MCHR2: variants seen among roughly 807,000 people sequenced by gnomAD.
MCHR2 encodes melanin concentrating hormone receptor 2.
MCHR2 carries 15 observed loss-of-function variants against 24.8 expected under a neutral mutation model. The observed-to-expected ratio is 0.60, with a 90% confidence interval of 0.40 to 0.93. MCHR2 has a LOEUF of 0.93. MCHR2 is among the 40% of genes least tolerant of loss of function. MCHR2 has a pLI of 0.00. For synonymous variants in MCHR2, 151 were observed against 147.6 expected (o/e 1.02, Z -0.17); for missense variants, 386 against 408.7 (o/e 0.94, Z 0.48).
rs1160318420 is a variant in MCHR2, at chr6:99,953,286, C to T, written c.182+2680G>A. ...GTTGCCTGTGAAAATGCAAACATTT[C>T]GGAAGGGCTAACACCTAATAAGGAC... On this transcript the variant is annotated intron_variant, in intron 2 of 5. Coordinates refer to ENST00000281806, the MANE Select transcript of MCHR2 (RefSeq NM_001040179.2). 3.9e-5 allele frequency among the ~76,000 whole-genome samples: 6 copies of T among 152,198 alleles called. 1 individual carries two copies. The highest frequency in any genetic ancestry group is 6.8e-3 in the Middle Eastern group (2 of 294).
Position 99,956,156 on chromosome 6 carries a change from G to C in MCHR2, c.-9C>G. On this transcript the variant is annotated 5_prime_UTR_variant, in exon 2 of 6. Coordinates refer to ENST00000281806, the MANE Select transcript of MCHR2 (RefSeq NM_001040179.2). ...GCATGAAATGGATTCATTGTTCGTG[G>C]ACTTTCCAGGGATTAAAGCTGTGAA... The C allele has an allele frequency of 6.2e-7, 1 of 1,604,488 alleles. No individual in the cohort carries two copies. The highest frequency in any genetic ancestry group is 8.5e-7 in the Non-Finnish European group (1 of 1,174,808).
chr6:99,945,938 C>T (rs1280477113), intron 3 of MCHR2, among the ~76,000 whole-genome samples: 1 of 152,182 alleles, frequency 6.6e-6, no homozygotes, highest in African/African-American at 2.4e-5. Flanking sequence ...TATTTAAAAA[C>T]ATACACAGTT....
At chr6:99,977,236 G>C (rs1775568727) in intron 1 of MCHR2, among the ~76,000 whole-genome samples, 1 of 152,206 alleles carries the variant, frequency 6.6e-6, no homozygotes, top group Non-Finnish European at 1.5e-5. Context: ...ATCTTGAACT[G>C]TATTAGCTGG....
At chr6:99,961,191 A>G (rs986776217) in intron 1 of MCHR2, among the ~76,000 whole-genome samples, 7 of 151,500 alleles carry the variant, frequency 4.6e-5, no homozygotes, top group African/African-American at 1.7e-4. Flanking sequence ...TCAAAAGAAG[A>G]AAAAAAAAGC....
chr6:99,957,156 T>C lies in MCHR2; in HGVS notation c.-27-982A>G, dbSNP rs75143342. ...ACATAACATTTGAAGTCTGGTTCCA[T>C]GTCTGGATGAAGTCCAGAGAAAAAT... is the stretch of plus-strand genomic sequence containing the variant. On this transcript the variant is annotated intron_variant, in intron 1 of 5. Transcript: ENST00000281806. Among the ~76,000 whole-genome samples, 794 of 152,244 alleles carry C rather than the reference T, an allele frequency of 5.2e-3. 1 individual carries two copies. The highest frequency in any genetic ancestry group is 8.1e-3 in the Non-Finnish European group (548 of 68,010).
At chr6:99,959,342 A>C (rs1327434701) in intron 1 of MCHR2, among the ~76,000 whole-genome samples, 1 of 151,876 alleles carries the variant, frequency 6.6e-6, no homozygotes, top group South Asian at 2.1e-4. Context: ...AAAATGTTTG[A>C]GATGTCCCCT....
At chr6:99,963,658 T>C (rs1283673942) in intron 1 of MCHR2, among the ~76,000 whole-genome samples, 2 of 152,154 alleles carry the variant, frequency 1.3e-5, no homozygotes, top group Non-Finnish European at 2.9e-5. Flanking sequence ...TCATGTTATA[T>C]GTTTTCTTTT....
chr6:99,961,299 C>T (rs1304196206), intron 1 of MCHR2, among the ~76,000 whole-genome samples: 4 of 151,904 alleles, frequency 2.6e-5, no homozygotes, highest in South Asian at 2.1e-4. Flanking sequence ...GACAGTGTGG[C>T]GATTCCTTAA....
chr6:99,966,675 A>C (rs1292088697), intron 1 of MCHR2, among the ~76,000 whole-genome samples: 1 of 152,224 alleles, frequency 6.6e-6, no homozygotes, highest in East Asian at 1.9e-4. Context: ...ATACAGAAAC[A>C]AAATATTAAT....
chr6:99,992,466 T>C (rs1317123636), intron 1 of MCHR2, among the ~76,000 whole-genome samples: 1 of 152,192 alleles, frequency 6.6e-6, no homozygotes, highest in Non-Finnish European at 1.5e-5. Context: ...TCAAAATCTA[T>C]TTCTAGTTTT....
intron 1 of MCHR2, among the ~76,000 whole-genome samples, chr6:99,990,516 G>A (rs1005580902): frequency 6.6e-6 from 1 of 152,072 alleles, no homozygotes; most frequent in African/African-American, 2.4e-5. Context: ...AGTATAGAAA[G>A]ATTTAAAAAT....
chr6:99,979,394 T>C (rs1259226730), intron 1 of MCHR2, among the ~76,000 whole-genome samples: 1 of 152,178 alleles, frequency 6.6e-6, no homozygotes. Context: ...TCCACTGAAC[T>C]TCCCTACAAC....
At chr6:99,925,975 C>T in intron 5 of MCHR2, among the ~76,000 whole-genome samples, 1 of 151,948 alleles carries the variant, frequency 6.6e-6, no homozygotes, top group Non-Finnish European at 1.5e-5. Flanking sequence ...CTAATGCTAT[C>T]CCTTCCCCCT....
intron 1 of MCHR2, among the ~76,000 whole-genome samples, chr6:99,965,456 A>G (rs990845973): frequency 6.6e-6 from 1 of 152,202 alleles, no homozygotes; most frequent in Non-Finnish European, 1.5e-5. Flanking sequence ...GGAAATTCGT[A>G]TAGAGAAACA....
chr6:99,977,937 A>G (rs1279165258), intron 1 of MCHR2, among the ~76,000 whole-genome samples: 1 of 152,208 alleles, frequency 6.6e-6, no homozygotes, highest in East Asian at 1.9e-4. Flanking sequence ...TTTTCTGGAA[A>G]CTAGTACAAA....
At position 99,921,104 on chromosome 6, in the gene MCHR2, C is replaced by A. The variant is rs781426548; in HGVS notation, c.859G>T (p.Gly287Cys). Residue 287 changes from glycine (G) to cysteine (C), a missense_variant, in exon 6 of 6, where the codon GGT (glycine) becomes TGT (cysteine). By Grantham distance (159) the Gly-to-Cys change is radical (BLOSUM62 -3). Coordinates refer to ENST00000281806, the MANE Select transcript of MCHR2 (RefSeq NM_001040179.2). ...MEQPTLAFYV[G>C]YYLSICLSYA... The stretch of plus-strand genomic sequence containing the variant: ...CTGAGACAGATGGAGAGGTAATAAC[C>A]CACATAGAAGGCCAGTGTGGGCTGT... The A allele has an allele frequency of 3.1e-6, 5 of 1,614,116 alleles. No individual in the cohort carries two copies. The South Asian group carries it at 4.4e-5, about 14-fold the overall frequency.
intron 1 of MCHR2, among the ~76,000 whole-genome samples, chr6:99,960,242 T>G (rs1243095859): frequency 6.6e-6 from 1 of 152,060 alleles, no homozygotes; most frequent in Non-Finnish European, 1.5e-5. Context: ...GCAAAAATAT[T>G]CTTTGAAAAT....
chr6:99,929,386 G>A (rs367910201), intron 5 of MCHR2, among the ~76,000 whole-genome samples: 2 of 151,992 alleles, frequency 1.3e-5, no homozygotes, highest in Non-Finnish European at 2.9e-5. Context: ...CAATTCCTGG[G>A]TATCCTTGTT....
chr6:99,993,475 T>C (rs1742607315), intron 1 of MCHR2, among the ~76,000 whole-genome samples: 1 of 152,108 alleles, frequency 6.6e-6, no homozygotes, highest in Non-Finnish European at 1.5e-5. Flanking sequence ...AGAACTGAAT[T>C]TGTCTTTTCT....
Sources: gnomAD v4.1 joint callset for allele counts (sites outside exome capture counted in the v4.1 genomes callset) on GRCh38, gnomAD v4.1.1 for gene constraint, MANE v1.5 for transcripts, NCBI Gene and HGNC (gene_info 2026-07-23, HGNC 2026-07-21) for gene names.